GVQW3: variants seen among roughly 807,000 people sequenced by gnomAD.
GVQW3 encodes protein GVQW3.
Under a neutral mutation model 12.5 loss-of-function variants are expected in GVQW3, and 7 were observed. That is an observed-to-expected ratio of 0.56 (90% CI 0.32 to 1.05). The LOEUF is 1.05. GVQW3 is among the 50% of genes least tolerant of loss of function. The pLI is 0.04. For missense variants in GVQW3, 188 were observed against 190.8 expected (o/e 0.99, Z 0.09); for synonymous variants, 71 against 67.2 (o/e 1.06, Z -0.28).
At chr11:76,387,832 A>G (rs1009608658) in intron 1 of GVQW3, among the ~76,000 whole-genome samples, 24 of 152,136 alleles carry the variant, frequency 1.6e-4, no homozygotes, top group Non-Finnish European at 3.1e-4. Flanking sequence ...TTGAGGCAGG[A>G]GGATCACTTG....
chr11:76,393,299 G>T (rs1245322767), intron 1 of GVQW3, among the ~76,000 whole-genome samples: 1 of 152,224 alleles, frequency 6.6e-6, no homozygotes, highest in African/African-American at 2.4e-5. Context: ...GGGATGGGCA[G>T]TATCTACCAC....
chr11:76,384,942 G>C (rs1946817556), intron 1 of GVQW3, among the ~76,000 whole-genome samples: 1 of 152,174 alleles, frequency 6.6e-6, no homozygotes, highest in South Asian at 2.1e-4. Context: ...ATATGCTCCT[G>C]GTCCCAGGCC....
rs1396524759 is a variant in GVQW3 at position 76,407,596 on chromosome 11, A to AAC, written c.*3839_*3840insCA. The AAC allele has an allele frequency of 6.6e-6, 1 of 151,442 alleles. No homozygotes were observed. The highest frequency in any genetic ancestry group is 2.4e-5 in the African/African-American group (1 of 41,244). 9.4% of individuals were successfully genotyped at this position (151,442 alleles called of 1,614,324 possible). ...CCTCTCAAAAAAAAAAAAAAAAAAA[A>AAC]AAAAAAAGAATTTAAGCCAGTTGAC... On this transcript the variant is annotated 3_prime_UTR_variant, in exon 2 of 2. Coordinates refer to ENST00000529331, the MANE Select transcript of GVQW3 (RefSeq NM_001347885.2).
intron 1 of GVQW3, among the ~76,000 whole-genome samples, chr11:76,391,239 ATAAATGACCTTTT>A (rs1259339979): frequency 6.6e-6 from 1 of 152,234 alleles, no homozygotes; most frequent in Non-Finnish European, 1.5e-5. Context: ...AACACGGTTG[ATAAATGACCTTTT>A]CTGGAGCCAG....
intron 1 of GVQW3, among the ~76,000 whole-genome samples, chr11:76,396,856 A>G (rs1946944097): frequency 1.3e-5 from 2 of 152,040 alleles, no homozygotes; most frequent in Admixed American, 6.6e-5. Flanking sequence ...AACCACTCAT[A>G]TACTTTCTGT....
Position 76,382,146 on chromosome 11 carries a change from C to G in GVQW3, c.318C>G (p.Leu106=). Residue 106 remains leucine (L), a synonymous_variant, in exon 1 of 2, where the codon CTC becomes CTG. Transcript: ENST00000529331. The stretch of plus-strand genomic sequence containing the variant: ...ATTTAGACAAAGAAACTGTTAGGCT[C>G]ATTTTGAAAGAAAACTTGAACATGA... ...ELNLDKETVR[L]ILKENLNMRK... is the part of the protein sequence containing the mutation. 2.6e-6 allele frequency: 4 copies of G among 1,536,304 alleles called. No individual in the cohort carries two copies. Among genetic ancestry groups the G allele is most frequent in the Non-Finnish European group, 3.5e-6 (4 of 1,146,946 alleles).
At position 76,404,779 on chromosome 11, in the gene GVQW3, T is replaced by C. The variant is rs1186324854; in HGVS notation, c.*1021T>C. 6.6e-6 allele frequency: 1 copy of C among 152,324 alleles called. No homozygotes were observed. The highest frequency in any genetic ancestry group is 1.9e-4 in the East Asian group (1 of 5,198). The allele number at this position is 152,324 out of a possible 1,614,324, so 9.4% of individuals were successfully genotyped here. On this transcript the variant is annotated 3_prime_UTR_variant, in exon 2 of 2. Transcript: ENST00000529331. The stretch of plus-strand genomic sequence containing the variant: ...CTCTCAGGCTTTTCACTTCCTTCCT[T>C]AGACTGGGGGCGCCTCTTGCCCTGT...
chr11:76,406,246 T>C lies in GVQW3; in HGVS notation c.*2488T>C, dbSNP rs1947038324. ...CCTAGGCCTCCCAAAATGCTGGGAC[T>C]ATAGGTGTGAGCCACTGCACCTGGC... On this transcript the variant is annotated 3_prime_UTR_variant, in exon 2 of 2. Transcript: ENST00000529331. 1 of 152,498 alleles carries C rather than the reference T, an allele frequency of 6.6e-6. No homozygotes were observed. The highest frequency in any genetic ancestry group is 6.5e-5 in the Admixed American group (1 of 15,286). 9.4% of individuals were successfully genotyped at this position (152,498 alleles called of 1,614,324 possible).
intron 1 of GVQW3, among the ~76,000 whole-genome samples, chr11:76,390,386 C>T (rs1008554743): frequency 2.0e-5 from 3 of 152,120 alleles, no homozygotes; most frequent in Non-Finnish European, 2.9e-5. Context: ...GAAGTAATGC[C>T]ATCTATCTCA....
chr11:76,391,401 T>C (rs1036625225), intron 1 of GVQW3, among the ~76,000 whole-genome samples: 1 of 152,226 alleles, frequency 6.6e-6, no homozygotes, highest in Non-Finnish European at 1.5e-5. Flanking sequence ...GTGTGCCCTA[T>C]GTCCTGGGCC....
chr11:76,409,351 C>T (rs1464621221), downstream of GVQW3, among the ~76,000 whole-genome samples: 1 of 151,960 alleles, frequency 6.6e-6, no homozygotes. Flanking sequence ...CAAGAAGGAG[C>T]CAGCTTTGGA....
intron 1 of GVQW3, among the ~76,000 whole-genome samples, chr11:76,388,944 C>T (rs1252744216): frequency 1.3e-5 from 2 of 152,158 alleles, no homozygotes. Flanking sequence ...AGCAATTTGG[C>T]AATATCTATC....
At chr11:76,385,440 C>T (rs138861112) in intron 1 of GVQW3, among the ~76,000 whole-genome samples, 72 of 152,294 alleles carry the variant, frequency 4.7e-4, no homozygotes, top group African/African-American at 1.5e-3. Flanking sequence ...GCTATGTGTC[C>T]GTCACACCCC....
chr11:76,400,167 C>T (rs1300105969), intron 1 of GVQW3, among the ~76,000 whole-genome samples: 1 of 151,798 alleles, frequency 6.6e-6, no homozygotes, highest in African/African-American at 2.4e-5. Context: ...GGCTGGAGTC[C>T]ATTGGCGTGA....
At chr11:76,386,558 C>A (rs976571211) in intron 1 of GVQW3, among the ~76,000 whole-genome samples, 2 of 152,172 alleles carry the variant, frequency 1.3e-5, no homozygotes, top group South Asian at 2.1e-4. Context: ...TCTGTCATTG[C>A]ATTACAAATG....
At chr11:76,394,006 T>C in intron 1 of GVQW3, among the ~76,000 whole-genome samples, 1 of 152,032 alleles carries the variant, frequency 6.6e-6, no homozygotes. Flanking sequence ...TCAAGCGATT[T>C]TCGTGCTTCA....
chr11:76,414,055 C>T (rs933566485), exon 2 of GVQW3: 3 of 152,136 alleles, frequency 2.0e-5, no homozygotes, highest in African/African-American at 7.2e-5. Flanking sequence ...TTGGAGGCCG[C>T]TGGGCCCTGG....
chr11:76,392,211 G>C (rs970005220), intron 1 of GVQW3: 2 of 152,204 alleles, frequency 1.3e-5, no homozygotes, highest in Non-Finnish European at 2.9e-5. Flanking sequence ...TCAACTAAGG[G>C]TGATTGTGAA....
chr11:76,408,349 G>T (rs945779329), downstream of GVQW3: 1 of 152,194 alleles, frequency 6.6e-6, no homozygotes, highest in Non-Finnish European at 1.5e-5. Context: ...ATGAATAGGG[G>T]TCCTCTAGGG....
Sources: allele counts gnomAD v4.1 joint callset (sites outside exome capture counted in the v4.1 genomes callset), GRCh38; gene constraint gnomAD v4.1.1; transcripts MANE v1.5; gene names NCBI Gene and HGNC (gene_info 2026-07-23, HGNC 2026-07-21).